Variants in CEP250 observed in about 807,000 individuals in gnomAD.
CEP250 encodes the protein centrosomal protein 250, also known as centrosome-associated protein CEP250.
CEP250 carries 242 observed loss-of-function variants against 315.7 expected under a neutral mutation model. That is an observed-to-expected ratio of 0.77 (90% CI 0.69 to 0.85). The LOEUF (loss-of-function observed/expected upper bound fraction) is 0.85. Among genes scored for constraint, CEP250 ranks in the 40% least tolerant of loss-of-function variants. The pLI, the probability that CEP250 is intolerant of heterozygous loss-of-function variation, is 0.00. For synonymous variants in CEP250, 1,088 were observed against 1,175.0 expected, an observed-to-expected ratio of 0.93 and a Z score of 1.51; for missense variants, 2,515 against 2,886.4, an observed-to-expected ratio of 0.87 and a Z score of 2.95.
intron 34 of CEP250, among the ~76,000 whole-genome samples, chr20:35,510,529 G>T (rs1415230307): frequency 6.6e-6 from 1 of 152,184 alleles, no homozygotes; most frequent in Non-Finnish European, 1.5e-5. Flanking sequence ...TGCCTCTTAG[G>T]CCTCAACTAA....
chr20:35,503,414 A>G lies in CEP250; in HGVS notation c.5045A>G (p.Glu1682Gly). The G allele has an allele frequency of 6.2e-7, 1 of 1,614,188 alleles. No individual in the cohort carries two copies. Among genetic ancestry groups the G allele is most frequent in the Non-Finnish European group, 8.5e-7 (1 of 1,180,016 alleles). ...AGGACCCGGCAGACCAAGATCCTGG[A>G]GGAGGACCTGGAACAGATCAAGCTG... is the stretch of plus-strand genomic sequence containing the variant. ...DQRTRQTKILEEDLEQIKLSL... is the reference protein window; with the variant it reads ...DQRTRQTKILGEDLEQIKLSL... The change falls in exon 30 of 35, where the codon GAG (glutamate) becomes GGG (glycine). Residue 1682 changes from glutamate to glycine, a missense_variant. Physicochemically the swap from Glu to Gly is moderately conservative, Grantham distance 98. Transcript: ENST00000397527. This position sits in a 1 kb window ranked among gnomAD's most constrained non-coding sequence, Gnocchi z 4.2.
At chr20:35,463,535 A>G in intron 4 of CEP250, 40 bp from the exon 5 acceptor site, 1 of 1,566,990 alleles carries the variant, frequency 6.4e-7, no homozygotes, top group East Asian at 2.3e-5. Context: ...TGTTTGTGCC[A>G]GCTGTGTTCA....
intron 16 of CEP250, among the ~76,000 whole-genome samples, chr20:35,477,240 C>A (rs1007103217): frequency 1.3e-5 from 2 of 152,180 alleles, no homozygotes. Flanking sequence ...AAACTCCTGA[C>A]CTCAGGTGAT....
intron 10 of CEP250, among the ~76,000 whole-genome samples, chr20:35,471,464 A>G (rs2063022811): frequency 1.3e-5 from 2 of 152,212 alleles, no homozygotes; most frequent in Non-Finnish European, 2.9e-5. Flanking sequence ...GTTGATTCAA[A>G]TTTTGTATAA....
At chr20:35,477,791 G>T in intron 16 of CEP250, 80 bp from the exon 17 acceptor site, 1 of 1,109,740 alleles carries the variant, frequency 9.0e-7, no homozygotes, top group Non-Finnish European at 1.3e-6. Flanking sequence ...TATCTCACTT[G>T]GATTTCAGTC....
intron 5 of CEP250, among the ~76,000 whole-genome samples, 193 bp downstream of exon 5, chr20:35,463,824 G>A (rs1156664923): frequency 1.3e-5 from 2 of 152,190 alleles, no homozygotes; most frequent in East Asian, 3.8e-4. Flanking sequence ...TCCAACCCTT[G>A]GTTTTCAAAG....
chr20:35,482,519 G>T (rs375344568), intron 20 of CEP250, among the ~76,000 whole-genome samples: 1 of 151,892 alleles, frequency 6.6e-6, no homozygotes, highest in South Asian at 2.1e-4. Context: ...GATTACAGGC[G>T]TGAGCCACCG....
In CEP250 at chr20:35,504,512, A is replaced by T. The variant is rs1183790464; in HGVS notation, c.6143A>T (p.Asp2048Val). 1 of 1,613,946 alleles carries T rather than the reference A, an allele frequency of 6.2e-7. No homozygotes were observed. Among genetic ancestry groups the T allele is most frequent in the African/African-American group, 1.3e-5 (1 of 75,048 alleles). ...CTGCAGCAGGCACTTGCCCAGAGGG[A>T]TGAAGAGCTGAGACATCAGCAGGAA... ...QQLQQALAQRDEELRHQQERE... is the reference protein window; with the variant it reads ...QQLQQALAQRVEELRHQQERE... The change falls in exon 30 of 35, where the codon GAT becomes GTT. Residue 2048 changes from aspartate (D) to valine (V), a missense_variant. Asp to Val is a radical substitution (Grantham distance 152). Coordinates refer to ENST00000397527, the MANE Select transcript of CEP250 (RefSeq NM_007186.6).
At chr20:35,468,928 T>C (rs1382246250) in intron 9 of CEP250, among the ~76,000 whole-genome samples, 1 of 151,956 alleles carries the variant, frequency 6.6e-6, no homozygotes, top group Non-Finnish European at 1.5e-5. Flanking sequence ...CTTTCCACCT[T>C]GGCCTCCCAA....
At chr20:35,478,149 C>A in intron 17 of CEP250, 48 bp downstream of exon 17, 1 of 1,235,254 alleles carries the variant, frequency 8.1e-7, no homozygotes, top group South Asian at 1.3e-5. Context: ...AATATATGCT[C>A]ATTATAAAAA....
chr20:35,468,128 T>C (rs920099172), intron 9 of CEP250, among the ~76,000 whole-genome samples: 1 of 152,008 alleles, frequency 6.6e-6, no homozygotes, highest in Admixed American at 6.6e-5. Flanking sequence ...TTTGTATTTT[T>C]AGTAGAGACA....
intron 20 of CEP250, chr20:35,481,059 A>G (rs2063332197): frequency 6.6e-6 from 1 of 152,134 alleles, no homozygotes; most frequent in Admixed American, 6.5e-5. Context: ...TTTTAAACAT[A>G]TACTTAATAA....
chr20:35,505,265 G>A (rs1397583953), intron 30 of CEP250, among the ~76,000 whole-genome samples: 1 of 152,236 alleles, frequency 6.6e-6, no homozygotes, highest in Non-Finnish European at 1.5e-5. Context: ...GGTGCCTAAT[G>A]GGGGAAGTTT....
At position 35,504,912 on chromosome 20, in the gene CEP250, G is replaced by A. The variant is rs373000443; in HGVS notation, c.6543G>A (p.Ala2181=). The change falls in exon 30 of 35, where the codon GCG becomes GCA. Residue 2181 remains alanine (A), a synonymous_variant. Coordinates refer to ENST00000397527, the MANE Select transcript of CEP250 (RefSeq NM_007186.6). ...CCCAGGACTTGGCACTCTCCCTAGC[G>A]CAGACCAAGGCCAGTGTCAGCAGTC... is the stretch of plus-strand genomic sequence containing the variant. ...EKAQDLALSL[A]QTKASVSSLQ... 134 of 1,614,086 alleles carry A rather than the reference G, an allele frequency of 8.3e-5. No homozygotes were observed. The highest frequency in any genetic ancestry group is 1.0e-4 in the Non-Finnish European group (123 of 1,180,044).
At chr20:35,498,446 G>C in intron 26 of CEP250, 149 bp from the exon 27 acceptor site, 1 of 967,742 alleles carries the variant, frequency 1.0e-6, no homozygotes, top group Non-Finnish European at 1.5e-6. Context: ...CCATACTTAT[G>C]GAGAAAATAT....
chr20:35,497,994 G>T lies in CEP250; in HGVS notation c.3582G>T (p.Gly1194=). Residue 1194 remains glycine, a synonymous_variant, in exon 26 of 35, where the codon GGG becomes GGT. Transcript: ENST00000397527. ...ACTCTGCCCTGCAGCAGGCCCTGGGGTCTGTTTGTGAGAGCAGGCCTGAGC... is the reference window on the plus strand; with the variant it reads ...ACTCTGCCCTGCAGCAGGCCCTGGGTTCTGTTTGTGAGAGCAGGCCTGAGC... The part of the protein sequence containing the change: ...SLYSALQQAL[G]SVCESRPELS... 1.2e-6 allele frequency: 2 copies of T among 1,613,236 alleles called. No homozygotes were observed. The highest frequency in any genetic ancestry group is 1.7e-6 in the Non-Finnish European group (2 of 1,179,634).
At chr20:35,471,019 T>G (rs2063012332) in intron 10 of CEP250, among the ~76,000 whole-genome samples, 1 of 152,232 alleles carries the variant, frequency 6.6e-6, no homozygotes, top group South Asian at 2.1e-4. Flanking sequence ...TCTCTGATTT[T>G]AGGTAGCTCC....
At chr20:35,487,534 G>C (rs1032735276) in intron 20 of CEP250, among the ~76,000 whole-genome samples, 3 of 152,092 alleles carry the variant, frequency 2.0e-5, no homozygotes, top group African/African-American at 7.2e-5. Flanking sequence ...TCTACTGTCT[G>C]TCTCCCCTTT....
chr20:35,461,369 G>A lies in CEP250; in HGVS notation c.-103-896G>A, dbSNP rs529124157. 2.1e-4 allele frequency among the ~76,000 whole-genome samples: 32 copies of A among 149,250 alleles called. No individual in the cohort carries two copies. In the South Asian group the frequency reaches 5.2e-3, roughly 24 times the overall value. On this transcript the variant is annotated intron_variant, in intron 3 of 34. Transcript: ENST00000397527. Reference sequence around the variant, plus strand: ...ATCTGAGGTCACAGAGCCCATTGGAGGCAGAGCTTGGACTAACACCCAGAA... The same window carrying A: ...ATCTGAGGTCACAGAGCCCATTGGAAGCAGAGCTTGGACTAACACCCAGAA...
Sources: gnomAD v4.1 joint callset for allele counts (sites outside exome capture counted in the v4.1 genomes callset) on GRCh38, gnomAD v4.1.1 for gene constraint, Gnocchi (gnomAD v3.1) non-coding constraint, MANE v1.5 for transcripts, NCBI Gene and HGNC (gene_info 2026-07-23, HGNC 2026-07-21) for gene names.